DNAH14: variants seen among roughly 807,000 people sequenced by gnomAD.
The protein encoded by DNAH14 is dynein axonemal heavy chain 14.
Under a neutral mutation model 520.9 loss-of-function variants are expected in DNAH14, and 478 were observed. The ratio of observed to expected loss-of-function variants is 0.92; its 90% CI spans 0.85 to 0.99. DNAH14 has a LOEUF of 0.99. Among genes scored for constraint, DNAH14 ranks in the 50% least tolerant of loss-of-function variants. The pLI is 0.00. For missense variants in DNAH14, 4,831 were observed against 5,234.5 expected, an observed-to-expected ratio of 0.92 and a Z score of 2.38; for synonymous variants, 1,581 against 1,757.2, an observed-to-expected ratio of 0.90 and a Z score of 2.51.
intron 61 of DNAH14, 50 bp from the exon 62 acceptor site, chr1:225,322,614 C>G: frequency 1.4e-6 from 2 of 1,419,306 alleles, no homozygotes; most frequent in South Asian, 1.7e-5. Context: ...TTACAGGGTG[C>G]ATTTCATTTT....
Position 225,273,827 on chromosome 1 carries a change from A to G in DNAH14, c.8010+702A>G, listed in dbSNP as rs540268867. Reference sequence around the variant, plus strand: ...GATCACACTAAAAGAATGTGACTGAATGGAGCAGTGATCTAGGCTCCATTA... The same window carrying G: ...GATCACACTAAAAGAATGTGACTGAGTGGAGCAGTGATCTAGGCTCCATTA... On this transcript the variant is annotated intron_variant, in intron 52 of 85. Transcript: ENST00000682510. Among the ~76,000 whole-genome samples, 10 of 152,318 alleles carry G rather than the reference A, an allele frequency of 6.6e-5. No homozygotes were observed. The South Asian group carries it at 2.1e-3, about 32-fold the overall frequency.
rs1228245679 is a variant in DNAH14 at position 225,159,452 on chromosome 1, GAC to G, written c.5414_5415del (p.Thr1805SerfsTer37). 7 of 1,537,878 alleles carry G rather than the reference GAC, an allele frequency of 4.6e-6. No individual in the cohort carries two copies. Among genetic ancestry groups the G allele is most frequent in the Non-Finnish European group, 6.1e-6 (7 of 1,142,106 alleles). On this transcript the variant is annotated frameshift_variant, in exon 35 of 86. Coordinates refer to ENST00000682510, the MANE Select transcript of DNAH14 (RefSeq NM_001367479.1). LOFTEE classifies it high-confidence loss of function. ...NIIGDIFPEV[T>X]VLKVNQLALE... ...TTATAGGAGATATTTTTCCAGAAGT[GAC>G]AGTTTTGAAAGTAAATCAACTTGCC...
At position 225,335,715 on chromosome 1, in the gene DNAH14, ACG is replaced by A. The variant is rs1394925790; in HGVS notation, c.10081-1549_10081-1548del. On this transcript the variant is annotated intron_variant, in intron 66 of 85. Coordinates refer to ENST00000682510, the MANE Select transcript of DNAH14 (RefSeq NM_001367479.1). ...TATACATATGTGCATATATGTATAT[ACG>A]CATATATACATATGTGCATATATGT... 3.0e-3 allele frequency among the ~76,000 whole-genome samples: 254 copies of A among 85,752 alleles called. 64 individuals carry two copies. Among genetic ancestry groups the A allele is most frequent in the African/African-American group, 0.012 (228 of 18,686 alleles). 56.3% of individuals were successfully genotyped at this position (85,752 alleles called of 152,430 possible).
At chr1:225,374,930 G>A in intron 78 of DNAH14, 45 bp downstream of exon 78, 1 of 1,452,682 alleles carries the variant, frequency 6.9e-7, no homozygotes, top group South Asian at 1.4e-5. Flanking sequence ...TAATTTTAAA[G>A]TAAACATTGT....
intron 1 of DNAH14, among the ~76,000 whole-genome samples, chr1:224,933,593 G>T (rs547586074): frequency 1.2e-4 from 18 of 152,050 alleles, no homozygotes; most frequent in African/African-American, 3.6e-4. Context: ...TTACTTTGAG[G>T]TATGTTCCTT....
chr1:225,117,881 C>T lies in DNAH14; in HGVS notation c.3973C>T (p.Pro1325Ser). 2.0e-6 allele frequency: 3 copies of T among 1,537,254 alleles called. No individual in the cohort carries two copies. The highest frequency in any genetic ancestry group is 2.6e-6 in the Non-Finnish European group (3 of 1,134,364). The change falls in exon 25 of 86, where the codon CCT (proline) becomes TCT (serine). Residue 1325 changes from proline to serine, a missense_variant and splice_region_variant. Transcript: ENST00000682510. ...ACTGACATTTGTTTCTGGTTCACAGCCTCATCTTGTGAAATGCTTTGAAAA... is the reference window on the plus strand; with the variant it reads ...ACTGACATTTGTTTCTGGTTCACAGTCTCATCTTGTGAAATGCTTTGAAAA... ...ADSRNPESVQ[P>S]HLVKCFENIK... is the part of the protein sequence containing the mutation.
At chr1:225,026,443 AT>A (rs1345325363) in intron 11 of DNAH14, among the ~76,000 whole-genome samples, 1 of 152,054 alleles carries the variant, frequency 6.6e-6, no homozygotes, top group African/African-American at 2.4e-5. Flanking sequence ...ATGGTATGAG[AT>A]AGGGTCCAAA....
chr1:225,232,424 T>G lies in DNAH14; in HGVS notation c.6518+1273T>G, dbSNP rs1477160729. ...TACTTATATGCAATAGTCAATCTTT[T>G]TAAAACATAATTTAAAATATTTATT... On this transcript the variant is annotated intron_variant, in intron 42 of 85. Transcript: ENST00000682510. The surrounding 1 kb of genome is among the most constrained non-coding windows in gnomAD (Gnocchi z 4.2). Among the ~76,000 whole-genome samples the G allele has an allele frequency of 1.3e-5, 2 of 152,208 alleles. No individual in the cohort carries two copies. The highest frequency in any genetic ancestry group is 2.9e-5 in the Non-Finnish European group (2 of 68,040).
chr1:225,131,286 G>T (rs530456542), intron 27 of DNAH14, among the ~76,000 whole-genome samples: 1 of 152,104 alleles, frequency 6.6e-6, no homozygotes, highest in South Asian at 2.1e-4. Context: ...TAGGTTAGAA[G>T]GCCAACCCAC....
intron 49 of DNAH14, among the ~76,000 whole-genome samples, chr1:225,270,239 G>A (rs959276570): frequency 7.0e-5 from 10 of 142,180 alleles, no homozygotes; most frequent in South Asian, 2.3e-4. Flanking sequence ...ACCAAACACC[G>A]CATGTTCTCA....
chr1:225,333,779 A>G (rs2094851284), intron 66 of DNAH14, among the ~76,000 whole-genome samples: 1 of 152,256 alleles, frequency 6.6e-6, no homozygotes, highest in East Asian at 1.9e-4. Flanking sequence ...AATATAGGCA[A>G]TTTCTCTCCC....
Position 225,324,794 on chromosome 1 carries a change from C to T in DNAH14, c.9685C>T (p.Arg3229Ter), listed in dbSNP as rs554324373. ...AGCTCAAAACGTCCTTAAAATTGCG[C>T]GACAAAGACTTGCTGAGAAACAAAG... ...AEAQNVLKIA[R>*]QRLAEKQRGL... The change falls in exon 64 of 86, where the codon CGA (arginine) becomes TGA (stop). Residue 3229 changes from arginine (R) to a stop codon, truncating the protein, a stop_gained. Transcript: ENST00000682510. LOFTEE classifies it high-confidence loss of function. 9.6e-5 allele frequency: 149 copies of T among 1,551,092 alleles called. 1 individual carries two copies. The highest frequency in any genetic ancestry group is 8.7e-4 in the South Asian group (73 of 84,008).
At chr1:225,373,873 C>G (rs1465966777) in intron 77 of DNAH14, among the ~76,000 whole-genome samples, 1 of 151,812 alleles carries the variant, frequency 6.6e-6, no homozygotes, top group Admixed American at 6.6e-5. Context: ...TGCCTGTAAT[C>G]TCAGCACTTT....
chr1:225,329,366 G>A (rs2094746349), intron 64 of DNAH14, among the ~76,000 whole-genome samples: 1 of 152,164 alleles, frequency 6.6e-6, no homozygotes, highest in South Asian at 2.1e-4. Flanking sequence ...TGGATAAAGA[G>A]TAATATAATT....
At chr1:224,998,989 A>G (rs1421764539) in intron 8 of DNAH14, among the ~76,000 whole-genome samples, 1 of 151,918 alleles carries the variant, frequency 6.6e-6, no homozygotes, top group Non-Finnish European at 1.5e-5. Context: ...TGATGCTTTT[A>G]ACATTGTATA....
In DNAH14 at chr1:225,340,564, T is replaced by C. The variant is rs1273818823; in HGVS notation, c.10541T>C (p.Leu3514Pro). ...ACATTCCAAGGTTTGCAAGATCAAC[T>C]CTTGTCTACTGTGGTAACTCATGAA... ...TVTFQGLQDQ[L>P]LSTVVTHEVP... The change falls in exon 69 of 86, where the codon CTC becomes CCC. Residue 3514 changes from leucine (L) to proline (P), a missense_variant. Coordinates refer to ENST00000682510, the MANE Select transcript of DNAH14 (RefSeq NM_001367479.1). The C allele has an allele frequency of 1.3e-6, 2 of 1,551,480 alleles. No individual in the cohort carries two copies. Among genetic ancestry groups the C allele is most frequent in the Non-Finnish European group, 1.7e-6 (2 of 1,146,876 alleles).
chr1:225,153,663 C>T, intron 33 of DNAH14, 87 bp from the exon 34 acceptor site: 1 of 887,106 alleles, frequency 1.1e-6, no homozygotes, highest in South Asian at 1.9e-5. Flanking sequence ...CATAGATTAC[C>T]TGTAATTTAC....
At position 225,037,934 on chromosome 1, in the gene DNAH14, C is replaced by T. The variant is rs1007182140; in HGVS notation, c.1359-760C>T. Among the ~76,000 whole-genome samples the T allele has an allele frequency of 7.9e-5, 12 of 152,116 alleles. No individual in the cohort carries two copies. The East Asian group carries it at 9.7e-4, about 12-fold the overall frequency. Reference sequence around the variant, plus strand: ...CTGACCTCAGGTGATCTGATCTGCCCGCCTCGGCCTCCCAAAGTGCTGGGA... The same window carrying T: ...CTGACCTCAGGTGATCTGATCTGCCTGCCTCGGCCTCCCAAAGTGCTGGGA... On this transcript the variant is annotated intron_variant, in intron 11 of 85. Coordinates refer to ENST00000682510, the MANE Select transcript of DNAH14 (RefSeq NM_001367479.1).
intron 12 of DNAH14, among the ~76,000 whole-genome samples, chr1:225,040,288 T>C (rs906335760): frequency 7.9e-5 from 12 of 152,140 alleles, no homozygotes; most frequent in Non-Finnish European, 1.3e-4. Flanking sequence ...CAAGGAAAAA[T>C]ATTCACATGT....
Sources: gnomAD v4.1 joint callset for allele counts (sites outside exome capture counted in the v4.1 genomes callset) on GRCh38, gnomAD v4.1.1 for gene constraint, Gnocchi (gnomAD v3.1) non-coding constraint, MANE v1.5 for transcripts, NCBI Gene and HGNC (gene_info 2026-07-23, HGNC 2026-07-21) for gene names.